Variants in SBK1 observed in about 807,000 individuals in gnomAD.
SBK1 encodes SH3 domain binding kinase 1.
Under a neutral mutation model 24.4 loss-of-function variants are expected in SBK1, and 11 were observed. The ratio of observed to expected loss-of-function variants is 0.45; its 90% CI spans 0.28 to 0.75. SBK1 has a LOEUF of 0.75. Among genes scored for constraint, SBK1 ranks in the 30% least tolerant of loss-of-function variants. The pLI, the probability that SBK1 is intolerant of heterozygous loss-of-function variation, is 0.12. For synonymous variants in SBK1, 308 were observed against 284.4 expected (o/e 1.08, Z -0.83); for missense variants, 467 against 620.5 (o/e 0.75, Z 2.63).
At chr16:28,313,500 A>AC (rs2044768875) in intron 1 of SBK1, among the ~76,000 whole-genome samples, 10 of 151,352 alleles carry the variant, frequency 6.6e-5, no homozygotes, top group Admixed American at 6.6e-4. Context: ...CAGGAGGCTG[A>AC]GATGGGAAGA....
intron 1 of SBK1, among the ~76,000 whole-genome samples, chr16:28,273,368 G>A (rs892066053): frequency 5.9e-5 from 9 of 151,952 alleles, no homozygotes; most frequent in African/African-American, 1.7e-4. Flanking sequence ...TTACAGGCGT[G>A]AGCCCCCATG....
intron 1 of SBK1, among the ~76,000 whole-genome samples, chr16:28,265,295 T>C (rs1159814206): frequency 6.6e-6 from 1 of 152,124 alleles, no homozygotes; most frequent in East Asian, 1.9e-4. Flanking sequence ...GGCGCATGTC[T>C]GTAGTTCCAG....
Position 28,321,843 on chromosome 16 carries a change from C to T in SBK1, c.*922C>T, listed in dbSNP as rs1358899927. The T allele has an allele frequency of 1.3e-5, 2 of 152,414 alleles. No homozygotes were observed. The highest frequency in any genetic ancestry group is 6.6e-5 in the Admixed American group (1 of 15,264). The allele number at this position is 152,414 out of a possible 1,614,324, so 9.4% of individuals were successfully genotyped here. A position where few individuals can be genotyped will look rare whatever the true frequency, so the allele number is the denominator to read the frequency against. On this transcript the variant is annotated 3_prime_UTR_variant, in exon 4 of 4. Transcript: ENST00000341901. ...GCAGGTCCCAGCTCCCCCTGCCAGC[C>T]GCACTGTCCCAGGCCCAGGGACCTC...
At chr16:28,285,813 GTTC>G (rs1051307248) in intron 1 of SBK1, 5 of 152,246 alleles carry the variant, frequency 3.3e-5, no homozygotes, top group South Asian at 2.1e-4. Flanking sequence ...ACCTGCAGCT[GTTC>G]TTCTTGTACG....
At chr16:28,288,585 G>A (rs545919992), upstream of SBK1, among the ~76,000 whole-genome samples, 15 of 152,174 alleles carry the variant, frequency 9.9e-5, no homozygotes, top group Non-Finnish European at 2.2e-4. Context: ...ACTCTCCACC[G>A]TCGCCTTGGC....
At chr16:28,268,236 G>A (rs7186817) in intron 1 of SBK1, among the ~76,000 whole-genome samples, 3 of 149,748 alleles carry the variant, frequency 2.0e-5, no homozygotes, top group Admixed American at 2.0e-4. Context: ...AGTTCTGGGG[G>A]TTTTTTGGTT....
intron 1 of SBK1, among the ~76,000 whole-genome samples, chr16:28,272,917 G>A (rs574444474): frequency 8.4e-4 from 128 of 151,992 alleles, no homozygotes; most frequent in African/African-American, 3.0e-3. Flanking sequence ...ACCATGCCTG[G>A]CCTGTCATCG....
chr16:28,320,138 C>T lies in SBK1; in HGVS notation c.492C>T (p.Phe164=). The change falls in exon 4 of 4, where the codon TTC becomes TTT. Residue 164 remains phenylalanine, a synonymous_variant. Transcript: ENST00000341901. The surrounding 1 kb of genome is among the most constrained non-coding windows in gnomAD (Gnocchi z 8.5). ...AGCAGCTGGGCCTGGCGCTGGACTT[C>T]ATGCACGGGCGGCAGCTGGTGCACC... ...CVQQLGLALD[F]MHGRQLVHRD... is the part of the protein sequence containing the mutation. 6.3e-7 allele frequency: 1 copy of T among 1,579,364 alleles called. No homozygotes were observed. Among genetic ancestry groups the T allele is most frequent in the Non-Finnish European group, 8.6e-7 (1 of 1,168,030 alleles).
Position 28,320,004 on chromosome 16 carries a change from A to T in SBK1, c.430-72A>T. 1 of 1,386,164 alleles carries T rather than the reference A, an allele frequency of 7.2e-7. No homozygotes were observed. Among genetic ancestry groups the T allele is most frequent in the East Asian group, 2.7e-5 (1 of 37,110 alleles). 85.9% of individuals were successfully genotyped at this position (1,386,164 alleles called of 1,614,324 possible). A position where few individuals can be genotyped will look rare whatever the true frequency, so the allele number is the denominator to read the frequency against. On this transcript the variant is annotated intron_variant, in intron 3 of 3. Coordinates refer to ENST00000341901, the MANE Select transcript of SBK1 (RefSeq NM_001024401.3). This position sits in a 1 kb window ranked among gnomAD's most constrained non-coding sequence, Gnocchi z 8.5. ...GCGAAAACCGCCTTGCTAGAGAGGG[A>T]GCTGGAGGGGAGGGCGGCGGGGCGG...
Position 28,292,547 on chromosome 16 carries a change from C to G in SBK1, c.-761C>G, listed in dbSNP as rs2044607576. On this transcript the variant is annotated 5_prime_UTR_variant, in exon 1 of 4. Transcript: ENST00000341901. ...CGCGATGCCGCGATGGAGCGCAGCC[C>G]GGGCGGGCGCCGGGGCCGGGGCCCG... The G allele has an allele frequency of 1.1e-5, 11 of 976,066 alleles. No individual in the cohort carries two copies. Among genetic ancestry groups the G allele is most frequent in the South Asian group, 4.7e-5 (1 of 21,190 alleles). The allele number at this position is 976,066 out of a possible 1,614,324, so 60.5% of individuals were successfully genotyped here. A position where few individuals can be genotyped will look rare whatever the true frequency, so the allele number is the denominator to read the frequency against.
intron 1 of SBK1, among the ~76,000 whole-genome samples, chr16:28,283,826 T>A (rs2044548025): frequency 6.6e-6 from 1 of 152,092 alleles, no homozygotes; most frequent in African/African-American, 2.4e-5. Flanking sequence ...AGACATGTCA[T>A]TTCCCCACCC....
Position 28,319,993 on chromosome 16 carries a change from G to A in SBK1, c.430-83G>A. The A allele has an allele frequency of 1.5e-6, 2 of 1,372,864 alleles. No homozygotes were observed. Among genetic ancestry groups the A allele is most frequent in the South Asian group, 3.2e-5 (2 of 63,312 alleles). The allele number at this position is 1,372,864 out of a possible 1,614,324, so 85.0% of individuals were successfully genotyped here. The stretch of plus-strand genomic sequence containing the variant: ...CAGGGTGGGAGGCGAAAACCGCCTT[G>A]CTAGAGAGGGAGCTGGAGGGGAGGG... On this transcript the variant is annotated intron_variant, in intron 3 of 3. Coordinates refer to ENST00000341901, the MANE Select transcript of SBK1 (RefSeq NM_001024401.3). This position sits in a 1 kb window ranked among gnomAD's most constrained non-coding sequence, Gnocchi z 4.0.
At position 28,317,495 on chromosome 16, in the gene SBK1, A is replaced by T. The variant is rs2044806112; in HGVS notation, c.104A>T (p.Asp35Val). 1.9e-6 allele frequency: 3 copies of T among 1,613,978 alleles called. No homozygotes were observed. The African/African-American group carries it at 4.0e-5, about 22-fold the overall frequency. ...PGAGVPLLTE[D>V]MQALTLRTLA... ...GCCGGTGTGCCCCTTCTCACTGAAG[A>T]CATGCAGGCCCTGACTCTCCGCACA... The change falls in exon 2 of 4, where the codon GAC becomes GTC. Residue 35 changes from aspartate (D) to valine (V), a missense_variant. By Grantham distance (152) the Asp-to-Val change is radical (BLOSUM62 -3). Coordinates refer to ENST00000341901, the MANE Select transcript of SBK1 (RefSeq NM_001024401.3). The surrounding 1 kb of genome is among the most constrained non-coding windows in gnomAD (Gnocchi z 4.2).
At chr16:28,282,598 T>C (rs1450728496) in intron 1 of SBK1, among the ~76,000 whole-genome samples, 2 of 109,532 alleles carry the variant, frequency 1.8e-5, no homozygotes, top group Non-Finnish European at 4.2e-5. Context: ...TCCCAGAGTC[T>C]TCACATTTTG....
In SBK1 at chr16:28,292,938, G is replaced by T; in HGVS notation, c.-370G>T. The T allele has an allele frequency of 2.1e-6, 2 of 969,212 alleles. No individual in the cohort carries two copies. The highest frequency in any genetic ancestry group is 2.3e-4 in the East Asian group (2 of 8,718). 60.0% of individuals were successfully genotyped at this position (969,212 alleles called of 1,614,324 possible). ...GGGCCCCCGCCCCAAGACCTAGAAC[G>T]CAGTGCCCCCAGGCCGGGATTGCGA... On this transcript the variant is annotated 5_prime_UTR_variant, in exon 1 of 4. Transcript: ENST00000341901.
chr16:28,294,817 G>A (rs2044627360), intron 1 of SBK1, among the ~76,000 whole-genome samples: 1 of 152,264 alleles, frequency 6.6e-6, no homozygotes, highest in Admixed American at 6.5e-5. Flanking sequence ...CTTGATGCGG[G>A]CAGACCTCTG....
In SBK1 at chr16:28,298,001, A is replaced by G. The variant is rs530471231; in HGVS notation, c.-8+4701A>G. On this transcript the variant is annotated intron_variant, in intron 1 of 3. Transcript: ENST00000341901. ...GTAAAGCCCTCCTCCTTCCCAGCCTATGCTTTCCACGTGAGGCGCCTGCTG... is the reference window on the plus strand; with the variant it reads ...GTAAAGCCCTCCTCCTTCCCAGCCTGTGCTTTCCACGTGAGGCGCCTGCTG... Among the ~76,000 whole-genome samples the G allele has an allele frequency of 2.7e-3, 407 of 152,256 alleles. 4 individuals are homozygous for G. The highest frequency in any genetic ancestry group is 9.2e-3 in the African/African-American group (384 of 41,550).
intron 1 of SBK1, among the ~76,000 whole-genome samples, chr16:28,262,589 A>AACAAC (rs2141556633): frequency 6.6e-6 from 1 of 152,290 alleles, no homozygotes; most frequent in African/African-American, 2.4e-5. Flanking sequence ...TGAAGACAAA[A>AACAAC]ACAACACACG....
chr16:28,282,470 C>T (rs1293155801), intron 1 of SBK1, among the ~76,000 whole-genome samples: 2 of 152,178 alleles, frequency 1.3e-5, no homozygotes, highest in African/African-American at 4.8e-5. Context: ...TTTGTGTCTC[C>T]TCTGTACCCC....
Sources: gnomAD v4.1 joint callset for allele counts (sites outside exome capture counted in the v4.1 genomes callset) on GRCh38, gnomAD v4.1.1 for gene constraint, Gnocchi (gnomAD v3.1) non-coding constraint, MANE v1.5 for transcripts, NCBI Gene and HGNC (gene_info 2026-07-23, HGNC 2026-07-21) for gene names.